ARID1B: variants seen among roughly 807,000 people sequenced by gnomAD.
The protein encoded by ARID1B is AT-rich interaction domain 1B, also known as AT-rich interactive domain-containing protein 1B.
Under a neutral mutation model 212.3 loss-of-function variants are expected in ARID1B, and 30 were observed. That is an observed-to-expected ratio of 0.14 (90% CI 0.11 to 0.19). ARID1B has a LOEUF of 0.19. ARID1B is among the 10% of genes least tolerant of loss of function. The pLI, the probability that ARID1B is intolerant of heterozygous loss-of-function variation, is 1.00. For synonymous variants in ARID1B, 1,402 were observed against 1,301.7 expected (o/e 1.08, Z -1.66); for missense variants, 2,891 against 3,204.0 (o/e 0.90, Z 2.36).
intron 3 of ARID1B, among the ~76,000 whole-genome samples, chr6:156,904,603 C>A (rs1242874787): frequency 6.6e-6 from 1 of 152,230 alleles, no homozygotes; most frequent in Non-Finnish European, 1.5e-5. Context: ...ACTCTTCCTA[C>A]ATATGTGCCA....
At chr6:156,931,018 A>G (rs565075921) in intron 3 of ARID1B, among the ~76,000 whole-genome samples, 125 of 152,112 alleles carry the variant, frequency 8.2e-4, no homozygotes, top group Non-Finnish European at 1.5e-3. Context: ...GTGAAACCCC[A>G]TCTCTACTAA....
At chr6:157,102,388 T>G (rs553026985) in intron 5 of ARID1B, among the ~76,000 whole-genome samples, 1 of 152,286 alleles carries the variant, frequency 6.6e-6, no homozygotes, top group Admixed American at 6.5e-5. Flanking sequence ...TACTTACCAT[T>G]TAAGTCTTAG....
chr6:156,971,636 C>T (rs188028575), intron 4 of ARID1B, among the ~76,000 whole-genome samples: 5 of 152,222 alleles, frequency 3.3e-5, no homozygotes, highest in Admixed American at 2.6e-4. Context: ...AGGCTGATAT[C>T]GGGGTGTCAG....
intron 4 of ARID1B, among the ~76,000 whole-genome samples, chr6:156,982,034 T>C (rs1443091057): frequency 6.6e-6 from 1 of 152,140 alleles, no homozygotes; most frequent in Non-Finnish European, 1.5e-5. Flanking sequence ...CTCTTTTTTT[T>C]TTTTTGTGAC....
intron 4 of ARID1B, among the ~76,000 whole-genome samples, chr6:157,008,768 C>T (rs1403268186): frequency 6.6e-6 from 1 of 151,896 alleles, no homozygotes; most frequent in Non-Finnish European, 1.5e-5. Flanking sequence ...AGGGGGGCGG[C>T]GCTCAGATGA....
chr6:156,933,647 CTTA>C (rs1791934957), intron 3 of ARID1B, among the ~76,000 whole-genome samples: 1 of 152,172 alleles, frequency 6.6e-6, no homozygotes, highest in African/African-American at 2.4e-5. Context: ...TTACTCTCAC[CTTA>C]TTGTTATCAA....
At chr6:157,100,397 A>G (rs1785979774) in intron 5 of ARID1B, among the ~76,000 whole-genome samples, 1 of 152,230 alleles carries the variant, frequency 6.6e-6, no homozygotes, top group Admixed American at 6.5e-5. Flanking sequence ...ACTAAGCGGA[A>G]GCCTGAGCAG....
At chr6:156,881,541 T>A (rs918747215) in intron 2 of ARID1B, among the ~76,000 whole-genome samples, 1 of 152,150 alleles carries the variant, frequency 6.6e-6, no homozygotes, top group Non-Finnish European at 1.5e-5. Context: ...TTGTCTTCGG[T>A]TTTGCATCAT....
chr6:156,986,521 G>C (rs1020651540), intron 4 of ARID1B, among the ~76,000 whole-genome samples: 1 of 152,122 alleles, frequency 6.6e-6, no homozygotes, highest in Non-Finnish European at 1.5e-5. Context: ...TCTGTCACTC[G>C]GTCAGCTTGT....
chr6:157,057,174 T>C (rs1783019912), intron 4 of ARID1B, among the ~76,000 whole-genome samples: 1 of 151,988 alleles, frequency 6.6e-6, no homozygotes, highest in Non-Finnish European at 1.5e-5. Context: ...TTTTTTCTAT[T>C]TTTATTAGAG....
chr6:157,084,536 T>C, intron 4 of ARID1B, 126 bp from the exon 5 acceptor site: 1 of 1,255,810 alleles, frequency 8.0e-7, no homozygotes, highest in Non-Finnish European at 1.1e-6. Flanking sequence ...CCATGCTTTT[T>C]TATTTTGGGT....
intron 4 of ARID1B, chr6:156,940,681 C>CTT (rs937397034): frequency 6.6e-6 from 1 of 152,174 alleles, no homozygotes; most frequent in Non-Finnish European, 1.5e-5. Flanking sequence ...TTTAATGACA[C>CTT]TTACGTTGGT....
intron 4 of ARID1B, among the ~76,000 whole-genome samples, chr6:157,054,762 C>T (rs1348697013): frequency 6.6e-6 from 1 of 152,176 alleles, no homozygotes; most frequent in Non-Finnish European, 1.5e-5. Flanking sequence ...TTGGTTAAAG[C>T]AGAAATCTTT....
intron 4 of ARID1B, among the ~76,000 whole-genome samples, chr6:156,954,105 A>C (rs1168266127): frequency 6.6e-6 from 1 of 151,554 alleles, no homozygotes; most frequent in African/African-American, 2.4e-5. Context: ...TTGCTCCTTT[A>C]TTTTTTGGAC....
chr6:157,021,218 G>C (rs371404552), intron 4 of ARID1B, among the ~76,000 whole-genome samples: 1 of 152,208 alleles, frequency 6.6e-6, no homozygotes, highest in East Asian at 1.9e-4. Flanking sequence ...TCCACACCTC[G>C]CCTTGGTTTC....
intron 4 of ARID1B, among the ~76,000 whole-genome samples, chr6:157,058,556 C>T (rs1316548923): frequency 6.6e-6 from 1 of 152,234 alleles, no homozygotes; most frequent in Admixed American, 6.5e-5. Context: ...TGAGCCACCG[C>T]GCCCAGCCCT....
chr6:157,059,112 G>A (rs1280507784), intron 4 of ARID1B, among the ~76,000 whole-genome samples: 1 of 151,340 alleles, frequency 6.6e-6, no homozygotes, highest in African/African-American at 2.4e-5. Context: ...GACAGTGTGT[G>A]GTATCTGTTG....
rs1269347919 is a variant in ARID1B at position 156,778,434 on chromosome 6, G to A, written c.754G>A (p.Gly252Ser). The A allele has an allele frequency of 6.8e-7, 1 of 1,467,526 alleles. No homozygotes were observed. The highest frequency in any genetic ancestry group is 1.3e-5 in the South Asian group (1 of 74,540). 90.9% of individuals were successfully genotyped at this position (1,467,526 alleles called of 1,614,324 possible). A position where few individuals can be genotyped will look rare whatever the true frequency, so the allele number is the denominator to read the frequency against. Residue 252 changes from glycine to serine, a missense_variant, in exon 1 of 20, where the codon GGC becomes AGC. Coordinates refer to ENST00000636930, the MANE Select transcript of ARID1B (RefSeq NM_001374828.1). ...HGGAKDSAAGGQADPPGPPLL... is the reference protein window; with the variant it reads ...HGGAKDSAAGSQADPPGPPLL... ...AGGCGCCAAGGACAGTGCTGCGGGC[G>A]GCCAGGCCGACCCCCCGGGCCCGCC...
chr6:157,165,492 T>C (rs1018798007), intron 8 of ARID1B, among the ~76,000 whole-genome samples: 5 of 152,214 alleles, frequency 3.3e-5, no homozygotes, highest in African/African-American at 1.2e-4. Flanking sequence ...GTTTGAACTT[T>C]TTGTACAGAG....
Sources: allele counts gnomAD v4.1 joint callset (sites outside exome capture counted in the v4.1 genomes callset), GRCh38; gene constraint gnomAD v4.1.1; transcripts MANE v1.5; gene names NCBI Gene and HGNC (gene_info 2026-07-23, HGNC 2026-07-21).